SETX: variants seen among roughly 807,000 people sequenced by gnomAD.
SETX encodes senataxin, also known as helicase senataxin.
In SETX, 90 loss-of-function variants were observed where a neutral mutation model predicts 227.2. That is an observed-to-expected ratio of 0.40 (90% confidence interval 0.33 to 0.47). The LOEUF is 0.47. SETX is among the 20% of genes least tolerant of loss of function. The probability of loss-of-function intolerance (pLI) is 0.91; values close to 1 mark genes in which losing one functional copy is unlikely to be tolerated. For missense variants in SETX, 3,052 were observed against 3,181.5 expected, an observed-to-expected ratio of 0.96 and a Z score of 0.98; for synonymous variants, 1,210 against 1,113.2, an observed-to-expected ratio of 1.09 and a Z score of -1.73.
At chr9:132,349,458 CAAG>C (rs767030331) in intron 2 of SETX, 23 bp from the exon 3 acceptor site, 3 of 1,613,616 alleles carry the variant, frequency 1.9e-6, no homozygotes, top group South Asian at 2.2e-5. Context: ...AAGATGACAT[CAAG>C]AAGAAAACCA....
At chr9:132,338,299 G>C (rs1252088879) in intron 5 of SETX, among the ~76,000 whole-genome samples, 2 of 152,000 alleles carry the variant, frequency 1.3e-5, no homozygotes, top group East Asian at 3.9e-4. Flanking sequence ...CACCATGCTG[G>C]CCAGGCTGGT....
In SETX at chr9:132,336,445, T is replaced by G. The variant is rs1173845468; in HGVS notation, c.569A>C (p.Gln190Pro). 5 of 1,614,024 alleles carry G rather than the reference T, an allele frequency of 3.1e-6. No homozygotes were observed. Among genetic ancestry groups the G allele is most frequent in the African/African-American group, 1.3e-5 (1 of 74,916 alleles). ...KVDRDDYYDL[Q>P]EVLLCLFKVI... The stretch of plus-strand genomic sequence containing the variant: ...TTTAAAAAGGCAAAGTAAAACTTCT[T>G]GTAAGTCATAATAATCATCTCTGTC... Residue 190 changes from glutamine (Q) to proline (P), a missense_variant, in exon 6 of 26, where the codon CAA (glutamine) becomes CCA (proline). Around this residue, in one of 10 missense-constraint regions of SETX, gnomAD observed 239 missense variants for 240.8 expected, o/e 0.99. Coordinates refer to ENST00000224140, the MANE Select transcript of SETX (RefSeq NM_015046.7).
intron 10 of SETX, among the ~76,000 whole-genome samples, chr9:132,325,627 C>A (rs1846690478): frequency 6.6e-6 from 1 of 152,070 alleles, no homozygotes; most frequent in Non-Finnish European, 1.5e-5. Flanking sequence ...TCTATCAGCT[C>A]CAAGGAGCAG....
At position 132,327,784 on chromosome 9, in the gene SETX, T is replaced by C. The variant is rs935093184; in HGVS notation, c.3814A>G (p.Lys1272Glu). Residue 1272 changes from lysine (K) to glutamate (E), a missense_variant, in exon 10 of 26, where the codon AAG becomes GAG. Coordinates refer to ENST00000224140, the MANE Select transcript of SETX (RefSeq NM_015046.7). ...CRTTPAIVPP[K>E]KFRQCPEPTS... ...GGCTCAGGACACTGACGAAATTTCT[T>C]TGGCGGCACTATAGCAGGAGTTGTT... 1.9e-6 allele frequency: 3 copies of C among 1,614,208 alleles called. No homozygotes were observed. The highest frequency in any genetic ancestry group is 1.1e-5 in the South Asian group (1 of 91,090).
chr9:132,272,031 C>T (rs1337446615), intron 23 of SETX, among the ~76,000 whole-genome samples: 1 of 151,852 alleles, frequency 6.6e-6, no homozygotes, highest in Non-Finnish European at 1.5e-5. Context: ...TACAGGTGCC[C>T]GCCACCATGC....
In SETX at chr9:132,330,123, C is replaced by T; in HGVS notation, c.1475G>A (p.Cys492Tyr). The change falls in exon 10 of 26, where the codon TGT (cysteine) becomes TAT (tyrosine). Residue 492 changes from cysteine to tyrosine, a missense_variant. By Grantham distance (194) the Cys-to-Tyr change is radical. Transcript: ENST00000224140. ...AAACGCAGTGGTAGGAAGCTTGGCA[C>T]ATTTGACGACGGCTTCCACCCATTG... is the stretch of plus-strand genomic sequence containing the variant. Reference protein sequence around the residue: ...SQQWVEAVVKCAKLPTTAFTR... With the variant: ...SQQWVEAVVKYAKLPTTAFTR... The T allele has an allele frequency of 6.2e-7, 1 of 1,613,190 alleles. No individual in the cohort carries two copies. Among genetic ancestry groups the T allele is most frequent in the Non-Finnish European group, 8.5e-7 (1 of 1,179,206 alleles).
chr9:132,266,556 G>C (rs1237179875), intron 25 of SETX, among the ~76,000 whole-genome samples: 1 of 152,158 alleles, frequency 6.6e-6, no homozygotes, highest in East Asian at 1.9e-4. Flanking sequence ...CGGATCACCT[G>C]AGGTCAGAGG....
chr9:132,274,657 G>A (rs1196779256), intron 23 of SETX, among the ~76,000 whole-genome samples: 1 of 151,936 alleles, frequency 6.6e-6, no homozygotes, highest in Admixed American at 6.6e-5. Flanking sequence ...TGTTGCCCAG[G>A]CTGGTCTCAA....
intron 10 of SETX, among the ~76,000 whole-genome samples, chr9:132,322,919 G>A (rs1342836520): frequency 3.3e-5 from 5 of 151,982 alleles, no homozygotes; most frequent in Non-Finnish European, 2.9e-5. Flanking sequence ...AGAGTTCCAG[G>A]AAACTAAAAA....
rs80296256 is a variant in SETX, at chr9:132,264,359, G to C, written c.7914C>G (p.Phe2638Leu). ...ELCHRREARA[F>L]SEGEQEKCGS... ...CACACTTCTCCTGCTCCCCTTCACT[G>C]AAAGCCCTGGCCTCTCTCCTGTGAC... Residue 2638 changes from phenylalanine (F) to leucine (L), a missense_variant, in exon 26 of 26, where the codon TTC (phenylalanine) becomes TTG (leucine). Around this residue, in one of 10 missense-constraint regions of SETX, gnomAD observed 294 missense variants for 278.8 expected, o/e 1.05. Transcript: ENST00000224140. 12 of 1,614,030 alleles carry C rather than the reference G, an allele frequency of 7.4e-6. No homozygotes were observed. Among genetic ancestry groups the C allele is most frequent in the Non-Finnish European group, 1.0e-5 (12 of 1,180,040 alleles).
At chr9:132,340,399 A>T (rs973011310) in intron 5 of SETX, among the ~76,000 whole-genome samples, 4 of 152,116 alleles carry the variant, frequency 2.6e-5, no homozygotes, top group Non-Finnish European at 4.4e-5. Context: ...TGTTTCTCAT[A>T]TGTCTATTAT....
At chr9:132,345,102 T>C (rs1371946371) in intron 4 of SETX, among the ~76,000 whole-genome samples, 2 of 152,260 alleles carry the variant, frequency 1.3e-5, no homozygotes, top group Non-Finnish European at 2.9e-5. Context: ...GAGACATTTT[T>C]GGTTGTCACA....
At chr9:132,353,447 G>C (rs984210463) in intron 2 of SETX, among the ~76,000 whole-genome samples, 1 of 151,988 alleles carries the variant, frequency 6.6e-6, no homozygotes, top group Non-Finnish European at 1.5e-5. Context: ...AAGATTCGAA[G>C]AGAAAGCTGG....
rs116019801 is a variant in SETX at position 132,287,051 on chromosome 9, A to G, written c.6325-557T>C. 2.6e-3 allele frequency among the ~76,000 whole-genome samples: 397 copies of G among 152,332 alleles called. 3 individuals carry two copies. Among genetic ancestry groups the G allele is most frequent in the African/African-American group, 9.1e-3 (378 of 41,570 alleles). On this transcript the variant is annotated intron_variant, in intron 17 of 25. Transcript: ENST00000224140. Reference sequence around the variant, plus strand: ...AAACAAATTATGGAGTGGAGAAATGATATCATGTGACCCTCTGGATCCACC... The same window carrying G: ...AAACAAATTATGGAGTGGAGAAATGGTATCATGTGACCCTCTGGATCCACC...
chr9:132,339,041 G>T (rs888842432), intron 5 of SETX, among the ~76,000 whole-genome samples: 2 of 152,334 alleles, frequency 1.3e-5, no homozygotes, highest in South Asian at 4.1e-4. Flanking sequence ...GGGCTTTCGA[G>T]CATGAGCGAC....
rs67558000 is a variant in SETX at position 132,278,437 on chromosome 9, C to CTTTTTTTT, written c.6655-188_6655-181dup. On this transcript the variant is annotated intron_variant, in intron 20 of 25. Transcript: ENST00000224140. ...CTCTGAGCCTCAAAATGCCATGAAT[C>CTTTTTTTT]TTTTTTTTTTTTTTTTTTTTTTTTT... Among the ~76,000 whole-genome samples the CTTTTTTTT allele has an allele frequency of 1.9e-4, 16 of 84,866 alleles. 1 individual carries two copies. The highest frequency in any genetic ancestry group is 4.6e-4 in the South Asian group (1 of 2,176). 55.7% of individuals were successfully genotyped at this position (84,866 alleles called of 152,430 possible). A position where few individuals can be genotyped will look rare whatever the true frequency, so the allele number is the denominator to read the frequency against.
In SETX at chr9:132,269,051, A is replaced by C. The variant is rs1589605614; in HGVS notation, c.7287+564T>G. Among the ~76,000 whole-genome samples, 2 of 152,366 alleles carry C rather than the reference A, an allele frequency of 1.3e-5. 1 individual carries two copies. Among genetic ancestry groups the C allele is most frequent in the South Asian group, 4.1e-4 (2 of 4,834 alleles). ...TTACCCCTAATAAGACAAACAGCAA[A>C]TACGTGCTACATCTAGCTGTGATAT... On this transcript the variant is annotated intron_variant, in intron 25 of 25. Coordinates refer to ENST00000224140, the MANE Select transcript of SETX (RefSeq NM_015046.7).
intron 18 of SETX, 143 bp downstream of exon 18, chr9:132,286,280 A>G: frequency 1.6e-6 from 1 of 644,350 alleles, no homozygotes; most frequent in East Asian, 2.8e-5. Context: ...AGATCATGCC[A>G]CTGCACCCCA....
Position 132,340,030 on chromosome 9 carries a change from TTTTCTA to T in SETX, c.498+2654_498+2659del, listed in dbSNP as rs1281924448. Reference sequence around the variant, plus strand: ...TTATCTTTTAGCTTTTCTTTTTATATTTTCTATTTCTCTTTTTCTTCTTAGGGATTT... The same window carrying T: ...TTATCTTTTAGCTTTTCTTTTTATATTTTCTCTTTTTCTTCTTAGGGATTT... On this transcript the variant is annotated intron_variant, in intron 5 of 25. Coordinates refer to ENST00000224140, the MANE Select transcript of SETX (RefSeq NM_015046.7). 5.9e-5 allele frequency among the ~76,000 whole-genome samples: 9 copies of T among 152,172 alleles called. No individual in the cohort carries two copies. In the South Asian group the frequency reaches 1.9e-3, roughly 32 times the overall value.
Sources: gnomAD v4.1 joint callset for allele counts (sites outside exome capture counted in the v4.1 genomes callset) on GRCh38, gnomAD v4.1.1 for gene constraint, gnomAD v4.1.1 regional missense constraint, MANE v1.5 for transcripts, NCBI Gene and HGNC (gene_info 2026-07-23, HGNC 2026-07-21) for gene names.